LYPD6: variants seen among roughly 807,000 people sequenced by gnomAD.
LYPD6 encodes LY6/PLAUR domain containing 6, also known as ly6/PLAUR domain-containing protein 6.
LYPD6 carries 15 observed loss-of-function variants against 22.7 expected under a neutral mutation model. The observed-to-expected ratio is 0.66, with a 90% CI of 0.44 to 1.02. The LOEUF (loss-of-function observed/expected upper bound fraction) is 1.02. Among genes scored for constraint, LYPD6 ranks in the 50% least tolerant of loss-of-function variants. The pLI is 0.00. For synonymous variants in LYPD6, 72 were observed against 77.5 expected (o/e 0.93, Z 0.37); for missense variants, 189 against 208.4 (o/e 0.91, Z 0.57).
intron 2 of LYPD6, among the ~76,000 whole-genome samples, chr2:149,444,792 C>G (rs1020696581): frequency 5.9e-5 from 9 of 152,184 alleles, no homozygotes; most frequent in African/African-American, 2.2e-4. Flanking sequence ...TCTGCAGTTA[C>G]TTTCTCTGTT....
intron 1 of LYPD6, among the ~76,000 whole-genome samples, chr2:149,409,429 A>G (rs1682804605): frequency 6.6e-6 from 1 of 152,140 alleles, no homozygotes; most frequent in Non-Finnish European, 1.5e-5. Flanking sequence ...CTGCAGTCCT[A>G]TAGGGAGGAT....
intron 3 of LYPD6, among the ~76,000 whole-genome samples, chr2:149,462,861 C>G (rs1681117538): frequency 6.6e-6 from 1 of 152,014 alleles, no homozygotes; most frequent in Non-Finnish European, 1.5e-5. Flanking sequence ...AAAAATGAAT[C>G]TCAGCCTAAG....
At chr2:149,333,860 T>C (rs186112855) in intron 1 of LYPD6, among the ~76,000 whole-genome samples, 82 of 152,354 alleles carry the variant, frequency 5.4e-4, no homozygotes, top group Non-Finnish European at 1.2e-4. Flanking sequence ...ATGAATGATA[T>C]GTGTTTCAAT....
intron 1 of LYPD6, among the ~76,000 whole-genome samples, chr2:149,343,734 A>G (rs1681204148): frequency 6.6e-6 from 1 of 152,198 alleles, no homozygotes. Flanking sequence ...AACTCTCATC[A>G]TGCTGTTTGC....
intron 3 of LYPD6, among the ~76,000 whole-genome samples, chr2:149,463,648 G>T (rs556526924): frequency 2.4e-4 from 37 of 152,226 alleles, no homozygotes; most frequent in African/African-American, 8.2e-4. Context: ...CCTTTCAATG[G>T]CTGAATGGTT....
chr2:149,372,148 C>T (rs1352214332), intron 1 of LYPD6, among the ~76,000 whole-genome samples: 4 of 152,120 alleles, frequency 2.6e-5, no homozygotes, highest in Non-Finnish European at 4.4e-5. Context: ...CAGCCTTCTT[C>T]CTGGGTGAAT....
intron 1 of LYPD6, among the ~76,000 whole-genome samples, chr2:149,422,730 T>C (rs777821259): frequency 1.3e-5 from 2 of 152,142 alleles, no homozygotes; most frequent in Admixed American, 6.5e-5. Context: ...TGACATTTTA[T>C]ACCCTTTGAC....
chr2:149,403,420 A>G (rs917314982), intron 1 of LYPD6, among the ~76,000 whole-genome samples: 2 of 150,206 alleles, frequency 1.3e-5, no homozygotes, highest in Non-Finnish European at 3.0e-5. Context: ...AATGATTGCC[A>G]TTCTAACTGG....
chr2:149,340,144 A>G (rs1295214839), intron 1 of LYPD6, among the ~76,000 whole-genome samples: 1 of 152,176 alleles, frequency 6.6e-6, no homozygotes, highest in Non-Finnish European at 1.5e-5. Flanking sequence ...GTGTTTTTGT[A>G]GTAGGATTTT....
intron 1 of LYPD6, among the ~76,000 whole-genome samples, chr2:149,356,495 T>A (rs1427211470): frequency 6.6e-6 from 1 of 152,224 alleles, no homozygotes; most frequent in East Asian, 1.9e-4. Flanking sequence ...CTTCTGGATG[T>A]CTTCTTTTTC....
intron 1 of LYPD6, among the ~76,000 whole-genome samples, chr2:149,343,520 C>T (rs1022938228): frequency 5.3e-5 from 8 of 152,148 alleles, no homozygotes; most frequent in Middle Eastern, 3.2e-3. Context: ...TGTTAAAAGC[C>T]TTCCCTGAAG....
intron 1 of LYPD6, among the ~76,000 whole-genome samples, chr2:149,367,099 G>A (rs572073992): frequency 6.8e-4 from 104 of 152,032 alleles, no homozygotes; most frequent in Non-Finnish European, 1.2e-3. Flanking sequence ...TGAATTATTT[G>A]TTGTTGCATA....
chr2:149,356,559 G>A (rs1466721809), intron 1 of LYPD6, among the ~76,000 whole-genome samples: 10 of 152,084 alleles, frequency 6.6e-5, no homozygotes, highest in Non-Finnish European at 1.2e-4. Context: ...TAAAGAACTT[G>A]GGGCAAGACA....
At chr2:149,344,294 A>G (rs1336146688) in intron 1 of LYPD6, among the ~76,000 whole-genome samples, 1 of 152,238 alleles carries the variant, frequency 6.6e-6, no homozygotes, top group East Asian at 1.9e-4. Context: ...ATGTTGAGAT[A>G]GTGCAAATCT....
chr2:149,458,084 G>A (rs1177444824), intron 3 of LYPD6, among the ~76,000 whole-genome samples: 2 of 152,210 alleles, frequency 1.3e-5, no homozygotes, highest in Non-Finnish European at 2.9e-5. Context: ...GGAAAAAATT[G>A]TAGCCCCAAT....
downstream of LYPD6, among the ~76,000 whole-genome samples, chr2:149,479,110 C>A (rs1193036126): frequency 6.6e-6 from 1 of 152,112 alleles, no homozygotes; most frequent in East Asian, 1.9e-4. Flanking sequence ...CTGCTCAGCC[C>A]AACAGTCACT....
chr2:149,430,751 G>A (rs1683295571), intron 1 of LYPD6, among the ~76,000 whole-genome samples: 1 of 152,094 alleles, frequency 6.6e-6, no homozygotes, highest in South Asian at 2.1e-4. Context: ...TTTAGTACTT[G>A]GTTCTTAAGA....
chr2:149,432,081 G>A (rs1041194649), intron 1 of LYPD6, among the ~76,000 whole-genome samples: 14 of 152,136 alleles, frequency 9.2e-5, no homozygotes, highest in Non-Finnish European at 2.9e-5. Flanking sequence ...CACTAGGATG[G>A]CTATAATTTT....
intron 3 of LYPD6, among the ~76,000 whole-genome samples, chr2:149,453,956 C>T (rs1042100331): frequency 6.6e-6 from 1 of 152,146 alleles, no homozygotes. Flanking sequence ...TGTTCTTTCC[C>T]TAGGATAGAG....
Sources: allele counts gnomAD v4.1 joint callset (sites outside exome capture counted in the v4.1 genomes callset), GRCh38; gene constraint gnomAD v4.1.1; transcripts MANE v1.5; gene names NCBI Gene and HGNC (gene_info 2026-07-23, HGNC 2026-07-21).